The following HCN1 variants were observed in gnomAD, a reference collection of about 807,000 sequenced individuals.
HCN1 encodes hyperpolarization activated cyclic nucleotide gated potassium channel 1, also known as potassium/sodium hyperpolarization-activated cyclic nucleotide-gated channel 1.
Under a neutral mutation model 78.9 loss-of-function variants are expected in HCN1, and 13 were observed. The observed-to-expected ratio is 0.16, with a 90% CI of 0.11 to 0.26. The LOEUF (loss-of-function observed/expected upper bound fraction) is 0.26, where lower values mean the gene tolerates loss of function less well. Ranked by LOEUF, HCN1 falls within the 10% of genes least tolerant of loss-of-function variation. The probability of loss-of-function intolerance (pLI) is 1.00; values close to 1 mark genes in which losing one functional copy is unlikely to be tolerated. For synonymous variants in HCN1, 552 were observed against 455.5 expected (o/e 1.21, Z -2.70); for missense variants, 810 against 1,154.3 (o/e 0.70, Z 4.32).
chr5:45,310,403 C>A (rs1243469458), intron 5 of HCN1, among the ~76,000 whole-genome samples: 1 of 152,040 alleles, frequency 6.6e-6, no homozygotes, highest in African/African-American at 2.4e-5. Context: ...GGCCAACAAG[C>A]ATATGATAAA....
chr5:45,665,187 C>G (rs1298927308), intron 1 of HCN1, among the ~76,000 whole-genome samples: 2 of 151,562 alleles, frequency 1.3e-5, no homozygotes, highest in African/African-American at 2.4e-5. Context: ...TCTCAGTAAA[C>G]TATCGCAAGG....
intron 4 of HCN1, among the ~76,000 whole-genome samples, chr5:45,360,759 A>C (rs960423619): frequency 6.6e-6 from 1 of 152,128 alleles, no homozygotes; most frequent in Admixed American, 6.6e-5. Flanking sequence ...TTTGATTTTC[A>C]ATAAAATGAA....
chr5:45,262,605 T>A lies in HCN1; in HGVS notation c.1989A>T (p.Gln663His). The change falls in exon 8 of 8, where the codon CAA becomes CAT. Residue 663 changes from glutamine (Q) to histidine (H), a missense_variant. Physicochemically the swap from Gln to His is conservative, Grantham distance 24. Coordinates refer to ENST00000303230, the MANE Select transcript of HCN1 (RefSeq NM_021072.4). ...TGGTCGCTGTGTACACCGGTGGAGA[T>A]TGTGTCCTCATGCGGGAGGTCGGGG... ...TTTPTSRMRT[Q>H]SPPVYTATSL... 6.2e-7 allele frequency: 1 copy of A among 1,613,630 alleles called. No homozygotes were observed. Among genetic ancestry groups the A allele is most frequent in the Admixed American group, 1.7e-5 (1 of 59,974 alleles).
chr5:45,276,392 G>T (rs989107067), intron 6 of HCN1, among the ~76,000 whole-genome samples: 8 of 152,144 alleles, frequency 5.3e-5, no homozygotes, highest in Non-Finnish European at 2.9e-5. Flanking sequence ...TTAGGATTTA[G>T]TAAGTCTGGA....
chr5:45,295,970 T>C (rs1363020492), intron 6 of HCN1, among the ~76,000 whole-genome samples: 1 of 152,044 alleles, frequency 6.6e-6, no homozygotes, highest in Non-Finnish European at 1.5e-5. Flanking sequence ...CTTTGATGTC[T>C]AAAACTGCAT....
At chr5:45,550,038 A>T (rs1201386967) in intron 2 of HCN1, among the ~76,000 whole-genome samples, 1 of 152,136 alleles carries the variant, frequency 6.6e-6, no homozygotes, top group Non-Finnish European at 1.5e-5. Context: ...GAACACTTTT[A>T]CACTGTTGGT....
intron 3 of HCN1, among the ~76,000 whole-genome samples, chr5:45,401,134 A>G (rs897062686): frequency 3.9e-5 from 6 of 152,146 alleles, no homozygotes; most frequent in African/African-American, 1.4e-4. Context: ...TGTTGGTTCA[A>G]AGAGTAAGAT....
chr5:45,281,259 A>G (rs1745158402), intron 6 of HCN1, among the ~76,000 whole-genome samples: 1 of 151,798 alleles, frequency 6.6e-6, no homozygotes, highest in African/African-American at 2.4e-5. Context: ...TGTCATGGTA[A>G]TGAGTGAGTA....
At chr5:45,658,088 T>C (rs1225867352) in intron 1 of HCN1, among the ~76,000 whole-genome samples, 1 of 152,064 alleles carries the variant, frequency 6.6e-6, no homozygotes, top group African/African-American at 2.4e-5. Context: ...ACGCCGCATA[T>C]CTACAACTAT....
chr5:45,642,525 T>G (rs1274672035), intron 2 of HCN1: 1 of 152,080 alleles, frequency 6.6e-6, no homozygotes, highest in East Asian at 1.9e-4. Flanking sequence ...TCAGGAATGA[T>G]TCATTTAGAA....
chr5:45,696,239 C>T lies in HCN1; in HGVS notation c.-146G>A. ...GCGGCGGCGGCGGCGGCGGCGGCGG[C>T]TGCTGCTTCCCGACCGCGCCGCTGC... On this transcript the variant is annotated 5_prime_UTR_variant, in exon 1 of 8. Coordinates refer to ENST00000303230, the MANE Select transcript of HCN1 (RefSeq NM_021072.4). 4.9e-6 allele frequency: 1 copy of T among 202,074 alleles called. No individual in the cohort carries two copies. The allele number at this position is 202,074 out of a possible 1,614,324, so 12.5% of individuals were successfully genotyped here.
chr5:45,276,479 T>C (rs938181578), intron 6 of HCN1, among the ~76,000 whole-genome samples: 15 of 152,092 alleles, frequency 9.9e-5, no homozygotes, highest in Non-Finnish European at 2.2e-4. Flanking sequence ...AATGAGTTCA[T>C]ATAGCTGTCA....
intron 4 of HCN1, among the ~76,000 whole-genome samples, chr5:45,385,177 T>C (rs1159529499): frequency 3.9e-5 from 6 of 152,134 alleles, no homozygotes; most frequent in Non-Finnish European, 2.9e-5. Flanking sequence ...GAATTTAGCT[T>C]CCAGTTAATA....
At chr5:45,312,452 C>T (rs12519016) in intron 5 of HCN1, among the ~76,000 whole-genome samples, 7,161 of 152,202 alleles carry the variant, frequency 0.047, 315 homozygotes, top group East Asian at 0.13. Flanking sequence ...ACGCAGAAGA[C>T]GGATGATTTC....
intron 6 of HCN1, among the ~76,000 whole-genome samples, chr5:45,290,607 T>A (rs1745352788): frequency 6.6e-6 from 1 of 152,006 alleles, no homozygotes; most frequent in African/African-American, 2.4e-5. Context: ...AAGTTTGGGA[T>A]TAGTTAATTT....
At chr5:45,689,327 A>G (rs545214721) in intron 1 of HCN1, among the ~76,000 whole-genome samples, 10 of 152,242 alleles carry the variant, frequency 6.6e-5, no homozygotes, top group Non-Finnish European at 1.3e-4. Context: ...GCCTCTAAGA[A>G]AGTTTGGCAA....
At chr5:45,464,011 T>G (rs1196345527) in intron 2 of HCN1, among the ~76,000 whole-genome samples, 1 of 152,106 alleles carries the variant, frequency 6.6e-6, no homozygotes, top group Admixed American at 6.6e-5. Context: ...CATTCAATTA[T>G]CAGGCTTTAG....
intron 6 of HCN1, among the ~76,000 whole-genome samples, chr5:45,295,680 G>C (rs1299845431): frequency 6.6e-6 from 1 of 151,926 alleles, no homozygotes; most frequent in East Asian, 1.9e-4. Context: ...CCTCCATTTT[G>C]TTGGGGTTTA....
At chr5:45,364,918 T>TATATATATATA in intron 4 of HCN1, among the ~76,000 whole-genome samples, 1 of 152,056 alleles carries the variant, frequency 6.6e-6, no homozygotes, top group Non-Finnish European at 1.5e-5. Context: ...GAGCTATTTA[T>TATATATATATA]TCTCCTATAA....
Sources: gnomAD v4.1 joint callset for allele counts (sites outside exome capture counted in the v4.1 genomes callset) on GRCh38, gnomAD v4.1.1 for gene constraint, MANE v1.5 for transcripts, NCBI Gene and HGNC (gene_info 2026-07-23, HGNC 2026-07-21) for gene names.